The following KMT2C variants were observed in gnomAD, a reference collection of about 807,000 sequenced individuals.
KMT2C encodes lysine methyltransferase 2C, also known as histone-lysine N-methyltransferase 2C.
A neutral mutation model predicts 507.9 loss-of-function variants in KMT2C; 88 were observed. The ratio of observed to expected loss-of-function variants is 0.17; its 90% CI spans 0.15 to 0.21. KMT2C has a LOEUF of 0.21. KMT2C is among the 10% of genes least tolerant of loss of function. The probability of loss-of-function intolerance (pLI) is 1.00; values close to 1 mark genes in which losing one functional copy is unlikely to be tolerated. For synonymous variants in KMT2C, 2,049 were observed against 2,080.8 expected, an observed-to-expected ratio of 0.98 and a Z score of 0.42; for missense variants, 4,954 against 5,957.8, an observed-to-expected ratio of 0.83 and a Z score of 5.55.
chr7:152,375,920 G>A (rs907260891), intron 1 of KMT2C, among the ~76,000 whole-genome samples: 3 of 152,018 alleles, frequency 2.0e-5, no homozygotes, highest in African/African-American at 4.8e-5. Context: ...TCAACCTTCC[G>A]GACTCAAGTG....
chr7:152,363,749 G>GAGGT lies in KMT2C; in HGVS notation c.162-5078_162-5075dup, dbSNP rs777255916. On this transcript the variant is annotated intron_variant, in intron 1 of 58. Transcript: ENST00000262189. Reference sequence around the variant, plus strand: ...GTGGGACAGACTACCCAAGAGAAGAGAGGTATTCAGAGAAAGAGCTCCAGA... The same window carrying GAGGT: ...GTGGGACAGACTACCCAAGAGAAGAGAGGTAGGTATTCAGAGAAAGAGCTCCAGA... Among the ~76,000 whole-genome samples the GAGGT allele has an allele frequency of 5.3e-5, 8 of 152,298 alleles. No homozygotes were observed. In the East Asian group the frequency reaches 1.5e-3, roughly 29 times the overall value.
chr7:152,372,598 A>G (rs1341938152), intron 1 of KMT2C, among the ~76,000 whole-genome samples: 7 of 152,206 alleles, frequency 4.6e-5, no homozygotes, highest in African/African-American at 1.7e-4. Flanking sequence ...GGATCCTTAC[A>G]TAAAATAAAA....
At chr7:152,195,191 A>C (rs545809680) in intron 28 of KMT2C, among the ~76,000 whole-genome samples, 1 of 152,188 alleles carries the variant, frequency 6.6e-6, no homozygotes, top group Non-Finnish European at 1.5e-5. Flanking sequence ...TGCTTTCTCA[A>C]TATTATTACT....
At chr7:152,263,488 C>T (rs1003064464) in intron 8 of KMT2C, among the ~76,000 whole-genome samples, 1 of 152,148 alleles carries the variant, frequency 6.6e-6, no homozygotes, top group Admixed American at 6.5e-5. Flanking sequence ...AATCTTGGCA[C>T]AGCGAATTGA....
At position 152,267,211 on chromosome 7, in the gene KMT2C, G is replaced by A. The variant is rs375547370; in HGVS notation, c.1013-2002C>T. Among the ~76,000 whole-genome samples the A allele has an allele frequency of 8.6e-5, 13 of 151,414 alleles. No individual in the cohort carries two copies. The East Asian group carries it at 1.0e-3, about 12-fold the overall frequency. ...CACATCAACTCTCATGCCATAAAATGCCACCATGATTCCTAAATCTGTATT... is the reference window on the plus strand; with the variant it reads ...CACATCAACTCTCATGCCATAAAATACCACCATGATTCCTAAATCTGTATT... On this transcript the variant is annotated intron_variant, in intron 7 of 58. Coordinates refer to ENST00000262189, the MANE Select transcript of KMT2C (RefSeq NM_170606.3).
intron 2 of KMT2C, among the ~76,000 whole-genome samples, chr7:152,341,123 T>A (rs988326448): frequency 6.6e-6 from 1 of 152,168 alleles, no homozygotes; most frequent in African/African-American, 2.4e-5. Context: ...TATTTAGGCC[T>A]TAAAAACAAA....
intron 44 of KMT2C, among the ~76,000 whole-genome samples, chr7:152,157,534 C>A (rs896916673): frequency 2.6e-5 from 4 of 152,042 alleles, no homozygotes; most frequent in Non-Finnish European, 5.9e-5. Context: ...CATGGAAGTA[C>A]ATAATAGATA....
At chr7:152,266,748 CTT>C (rs1242918572) in intron 7 of KMT2C, among the ~76,000 whole-genome samples, 1 of 152,252 alleles carries the variant, frequency 6.6e-6, no homozygotes, top group African/African-American at 2.4e-5. Context: ...AAAAGTCAGA[CTT>C]TTTGTTTTTA....
chr7:152,178,011 C>CTT lies in KMT2C; in HGVS notation c.7443-3_7443-2dup, dbSNP rs753425356. Reference sequence around the variant, plus strand: ...ATGACTACCTCCTGGAAATCCAAATCTTTTAAAAAAAAAAAAAAAAAAAAA... The same window carrying CTT: ...ATGACTACCTCCTGGAAATCCAAATCTTTTTTAAAAAAAAAAAAAAAAAAAAA... On this transcript the variant is annotated splice_acceptor_variant, in intron 37 of 58. Transcript: ENST00000262189. LOFTEE classifies it high-confidence loss of function. 22 of 302,684 alleles carry CTT rather than the reference C, an allele frequency of 7.3e-5. No individual in the cohort carries two copies. In the African/African-American group the frequency reaches 1.0e-3, roughly 14 times the overall value. The allele number at this position is 302,684 out of a possible 1,614,324, so 18.7% of individuals were successfully genotyped here.
At chr7:152,390,685 GA>G in intron 1 of KMT2C, among the ~76,000 whole-genome samples, 1 of 152,210 alleles carries the variant, frequency 6.6e-6, no homozygotes, top group East Asian at 1.9e-4. Context: ...ACTAAGAAAT[GA>G]AAGTGCTGAG....
chr7:152,189,618 G>A (rs2093730433), intron 31 of KMT2C, among the ~76,000 whole-genome samples: 1 of 152,132 alleles, frequency 6.6e-6, no homozygotes. Flanking sequence ...GCTCCAGTAT[G>A]TATGTGCAGA....
chr7:152,160,789 C>T (rs937656679), intron 43 of KMT2C, among the ~76,000 whole-genome samples: 3 of 151,644 alleles, frequency 2.0e-5, no homozygotes, highest in Non-Finnish European at 4.4e-5. Flanking sequence ...CTTACACCCA[C>T]AAATTTTAAT....
intron 3 of KMT2C, among the ~76,000 whole-genome samples, chr7:152,325,026 T>C (rs974697425): frequency 6.6e-6 from 1 of 152,078 alleles, no homozygotes; most frequent in Non-Finnish European, 1.5e-5. Flanking sequence ...TAAATACATA[T>C]GAACATAAGT....
intron 6 of KMT2C, among the ~76,000 whole-genome samples, chr7:152,301,711 A>G (rs1254020791): frequency 6.6e-6 from 1 of 152,176 alleles, no homozygotes; most frequent in African/African-American, 2.4e-5. Flanking sequence ...GCAAACAACT[A>G]TAGGGGAAAA....
At chr7:152,300,875 T>C (rs1007019167) in intron 6 of KMT2C, among the ~76,000 whole-genome samples, 1 of 151,758 alleles carries the variant, frequency 6.6e-6, no homozygotes, top group African/African-American at 2.4e-5. Context: ...CTAGCCAACA[T>C]GGCGAAACCC....
At chr7:152,269,944 T>A (rs1241830771) in intron 7 of KMT2C, among the ~76,000 whole-genome samples, 1 of 152,150 alleles carries the variant, frequency 6.6e-6, no homozygotes, top group Non-Finnish European at 1.5e-5. Context: ...TTATCACAGA[T>A]CCTTAAACCT....
chr7:152,298,936 C>A (rs143226795), intron 6 of KMT2C, among the ~76,000 whole-genome samples: 1 of 152,110 alleles, frequency 6.6e-6, no homozygotes, highest in Non-Finnish European at 1.5e-5. Flanking sequence ...AGGTAGACCT[C>A]TCTAAATGTA....
At position 152,259,469 on chromosome 7, in the gene KMT2C, CACACACACACACACACACACAG is replaced by C. The variant is rs1311108334; in HGVS notation, c.1299+3525_1299+3546del. On this transcript the variant is annotated intron_variant, in intron 9 of 58. Coordinates refer to ENST00000262189, the MANE Select transcript of KMT2C (RefSeq NM_170606.3). ...GCGCACACACACACACACACACACACACACACACACACACACACACAGAGAAAGCAAGAGAGGGCATGCCCAG... is the reference window on the plus strand; with the variant it reads ...GCGCACACACACACACACACACACACAGAAAGCAAGAGAGGGCATGCCCAG... Among the ~76,000 whole-genome samples, 6 of 148,242 alleles carry C rather than the reference CACACACACACACACACACACAG, an allele frequency of 4.0e-5. No individual in the cohort carries two copies. In the East Asian group the frequency reaches 1.0e-3, roughly 26 times the overall value.
intron 23 of KMT2C, among the ~76,000 whole-genome samples, chr7:152,210,902 C>G (rs962419424): frequency 1.9e-4 from 29 of 152,054 alleles, no homozygotes; most frequent in Non-Finnish European, 4.3e-4. Flanking sequence ...TGGAAAGAAG[C>G]AGAGAAAAAC....
Sources: allele counts gnomAD v4.1 joint callset (sites outside exome capture counted in the v4.1 genomes callset), GRCh38; gene constraint gnomAD v4.1.1; transcripts MANE v1.5; gene names NCBI Gene and HGNC (gene_info 2026-07-23, HGNC 2026-07-21).